MACROD2: variants seen among roughly 807,000 people sequenced by gnomAD.
The protein encoded by MACROD2 is ADP-ribose glycohydrolase MACROD2.
Under a neutral mutation model 70.4 loss-of-function variants are expected in MACROD2, and 36 were observed. The observed-to-expected ratio is 0.51, with a 90% confidence interval of 0.39 to 0.68. The LOEUF (loss-of-function observed/expected upper bound fraction) is 0.68, where lower values mean the gene tolerates loss of function less well. Among genes scored for constraint, MACROD2 ranks in the 30% least tolerant of loss-of-function variants. The probability of loss-of-function intolerance (pLI) is 0.00; values close to 1 mark genes in which losing one functional copy is unlikely to be tolerated. For missense variants in MACROD2, 496 were observed against 538.4 expected, an observed-to-expected ratio of 0.92 and a Z score of 0.78; for synonymous variants, 172 against 178.8, an observed-to-expected ratio of 0.96 and a Z score of 0.30.
rs1040928869 is a variant in MACROD2, at chr20:15,882,098, G to A, written c.728-3666G>A. On this transcript the variant is annotated intron_variant, in intron 9 of 17. Transcript: ENST00000684519. ...CATATAGGTTATATGTTACTTGGAGGCCAAAAGATAACTTCCCCTTTGCCC... is the reference window on the plus strand; with the variant it reads ...CATATAGGTTATATGTTACTTGGAGACCAAAAGATAACTTCCCCTTTGCCC... 7.2e-5 allele frequency among the ~76,000 whole-genome samples: 11 copies of A among 152,022 alleles called. No homozygotes were observed. The South Asian group carries it at 1.7e-3, about 23-fold the overall frequency.
chr20:15,581,715 G>A (rs1239612838), intron 8 of MACROD2, among the ~76,000 whole-genome samples: 2 of 152,168 alleles, frequency 1.3e-5, no homozygotes, highest in Admixed American at 6.5e-5. Context: ...GTCACAGGAG[G>A]GGCCTGTGGA....
At chr20:14,122,622 CT>C (rs1210168995) in intron 3 of MACROD2, among the ~76,000 whole-genome samples, 4 of 152,002 alleles carry the variant, frequency 2.6e-5, no homozygotes, top group Non-Finnish European at 5.9e-5. Flanking sequence ...ATAATTCCTT[CT>C]CAAGGGGGTG....
intron 12 of MACROD2, among the ~76,000 whole-genome samples, chr20:15,950,306 A>C (rs954229823): frequency 6.6e-6 from 1 of 152,228 alleles, no homozygotes; most frequent in African/African-American, 2.4e-5. Context: ...TGTATTTTTG[A>C]CACTAAATAG....
At position 14,340,328 on chromosome 20, in the gene MACROD2, T is replaced by C. The variant is rs112487722; in HGVS notation, c.272-153151T>C. On this transcript the variant is annotated intron_variant, in intron 3 of 17. Transcript: ENST00000684519. ...TGCCACATGACTGTAGACAAATTAC[T>C]TAATCTCTTTGAGTTTGTTAGCTCA... is the stretch of plus-strand genomic sequence containing the variant. 2.2e-4 allele frequency among the ~76,000 whole-genome samples: 33 copies of C among 152,274 alleles called. 1 individual carries two copies. The highest frequency in any genetic ancestry group is 3.4e-3 in the Middle Eastern group (1 of 294).
chr20:15,094,609 G>GT (rs1235208035), intron 5 of MACROD2, among the ~76,000 whole-genome samples: 2 of 152,010 alleles, frequency 1.3e-5, no homozygotes, highest in Non-Finnish European at 1.5e-5. Flanking sequence ...TTTGTTTTTG[G>GT]TTTTTTTGTT....
At chr20:14,364,971 T>A (rs79264638) in intron 3 of MACROD2, among the ~76,000 whole-genome samples, 1,718 of 152,334 alleles carry the variant, frequency 0.011, 37 homozygotes, top group African/African-American at 0.04. Flanking sequence ...TTCAGAGTAA[T>A]GCTAGCTTCA....
At chr20:15,144,743 T>C (rs1391445423) in intron 5 of MACROD2, among the ~76,000 whole-genome samples, 1 of 152,258 alleles carries the variant, frequency 6.6e-6, no homozygotes, top group East Asian at 1.9e-4. Flanking sequence ...CGGGGAAACA[T>C]GATGAACTTT....
chr20:14,876,319 T>G (rs1217608652), intron 5 of MACROD2, among the ~76,000 whole-genome samples: 1 of 152,142 alleles, frequency 6.6e-6, no homozygotes, highest in Admixed American at 6.6e-5. Context: ...AATAGGGTTG[T>G]TTTTTGCCTG....
At chr20:15,821,436 C>A (rs2063937046) in intron 8 of MACROD2, among the ~76,000 whole-genome samples, 1 of 151,910 alleles carries the variant, frequency 6.6e-6, no homozygotes, top group South Asian at 2.1e-4. Context: ...ATATTGGGTG[C>A]TAATAATACA....
chr20:15,034,134 A>C (rs1013121656), intron 5 of MACROD2, among the ~76,000 whole-genome samples: 3 of 152,206 alleles, frequency 2.0e-5, no homozygotes, highest in African/African-American at 7.2e-5. Context: ...GAAAATGTAG[A>C]TATCCTTAAA....
chr20:15,239,938 G>T (rs984151711), intron 6 of MACROD2, among the ~76,000 whole-genome samples: 3 of 152,156 alleles, frequency 2.0e-5, no homozygotes, highest in African/African-American at 7.2e-5. Context: ...GTGAGTGCCT[G>T]GGGCCCACTA....
At chr20:14,771,737 TACACAC>T (rs11472593) in intron 5 of MACROD2, among the ~76,000 whole-genome samples, 187 of 145,630 alleles carry the variant, frequency 1.3e-3, no homozygotes, top group African/African-American at 1.8e-3. Flanking sequence ...ATACTTATCC[TACACAC>T]ACACACACAC....
chr20:14,819,275 A>G (rs1044208319), intron 5 of MACROD2, among the ~76,000 whole-genome samples: 3 of 151,728 alleles, frequency 2.0e-5, no homozygotes, highest in African/African-American at 2.4e-5. Flanking sequence ...CAAAAACAAC[A>G]AAAAACAAAA....
chr20:14,711,186 AT>A lies in MACROD2; in HGVS notation c.418+26232del, dbSNP rs1353063964. ...AGTGGGTCATGAGTTTTCTTCCTGGATTTTTGTTCAACACAGATAGCCATCT... is the reference window on the plus strand; with the variant it reads ...AGTGGGTCATGAGTTTTCTTCCTGGATTTTGTTCAACACAGATAGCCATCT... On this transcript the variant is annotated intron_variant, in intron 5 of 17. Transcript: ENST00000684519. Among the ~76,000 whole-genome samples, 6 of 152,122 alleles carry A rather than the reference AT, an allele frequency of 3.9e-5. No individual in the cohort carries two copies. In the East Asian group the frequency reaches 9.6e-4, roughly 24 times the overall value.
intron 6 of MACROD2, among the ~76,000 whole-genome samples, chr20:15,253,261 T>G (rs1469194943): frequency 6.6e-6 from 1 of 152,190 alleles, no homozygotes; most frequent in East Asian, 1.9e-4. Context: ...TGGCTGCTTT[T>G]GCACTATGAC....
At chr20:14,930,835 T>C (rs2074288472) in intron 5 of MACROD2, among the ~76,000 whole-genome samples, 1 of 147,002 alleles carries the variant, frequency 6.8e-6, no homozygotes, top group Non-Finnish European at 1.5e-5. Context: ...TTAAGTAATT[T>C]TTTTTTAATT....
intron 2 of MACROD2, among the ~76,000 whole-genome samples, chr20:14,073,696 C>T (rs140174692): frequency 1.3e-5 from 2 of 152,020 alleles, no homozygotes; most frequent in South Asian, 2.1e-4. Flanking sequence ...GAGCTCATAT[C>T]GAAAGTTTTT....
At chr20:15,149,926 T>G (rs1268234718) in intron 5 of MACROD2, among the ~76,000 whole-genome samples, 1 of 151,960 alleles carries the variant, frequency 6.6e-6, no homozygotes, top group African/African-American at 2.4e-5. Flanking sequence ...GGATTTAGGA[T>G]CTATGGGGTC....
chr20:14,806,347 A>G (rs1292756861), intron 5 of MACROD2, among the ~76,000 whole-genome samples: 3 of 152,060 alleles, frequency 2.0e-5, no homozygotes, highest in Non-Finnish European at 4.4e-5. Context: ...AAGAAGCACA[A>G]GGGGTTGGGG....
Sources: allele counts gnomAD v4.1 joint callset (sites outside exome capture counted in the v4.1 genomes callset), GRCh38; gene constraint gnomAD v4.1.1; transcripts MANE v1.5; gene names NCBI Gene and HGNC (gene_info 2026-07-23, HGNC 2026-07-21).